RNF10: variants seen among roughly 807,000 people sequenced by gnomAD.
The protein encoded by RNF10 is ring finger protein 10, also known as E3 ubiquitin-protein ligase RNF10.
Under a neutral mutation model 91.4 loss-of-function variants are expected in RNF10, and 38 were observed. The observed-to-expected ratio is 0.42, with a 90% confidence interval of 0.32 to 0.54. The LOEUF is 0.54. Ranked by LOEUF, RNF10 falls within the 20% of genes least tolerant of loss-of-function variation. The pLI, the probability that RNF10 is intolerant of heterozygous loss-of-function variation, is 0.16. For synonymous variants in RNF10, 364 were observed against 366.3 expected, an observed-to-expected ratio of 0.99 and a Z score of 0.07; for missense variants, 945 against 1,012.0, an observed-to-expected ratio of 0.93 and a Z score of 0.90.
intron 1 of RNF10, among the ~76,000 whole-genome samples, chr12:120,542,430 C>A (rs781174798): frequency 6.6e-6 from 1 of 152,016 alleles, no homozygotes; most frequent in African/African-American, 2.4e-5. Flanking sequence ...TTGAGACAAC[C>A]GGCATGAGCC....
intron 4 of RNF10, among the ~76,000 whole-genome samples, chr12:120,555,236 C>T (rs1565955774): frequency 6.6e-6 from 1 of 152,202 alleles, no homozygotes; most frequent in Admixed American, 6.5e-5. Context: ...GGCTGGAGTA[C>T]AGTGGTGTGA....
chr12:120,549,674 A>G (rs1460826992), intron 2 of RNF10, among the ~76,000 whole-genome samples: 1 of 152,180 alleles, frequency 6.6e-6, no homozygotes, highest in African/African-American at 2.4e-5. Context: ...AATTCCAGTT[A>G]CTTGGGAGGC....
intron 16 of RNF10, among the ~76,000 whole-genome samples, chr12:120,576,264 G>A (rs16950287): frequency 0.049 from 7,460 of 152,254 alleles, 222 homozygotes; most frequent in African/African-American, 0.076. Flanking sequence ...AGTCAGTCTC[G>A]AAGCCTGTTG....
chr12:120,556,023 A>G (rs978764021), intron 4 of RNF10, among the ~76,000 whole-genome samples: 74 of 151,740 alleles, frequency 4.9e-4, no homozygotes, highest in African/African-American at 1.7e-3. Flanking sequence ...TCCCAGCTTC[A>G]AGTGATCAAC....
intron 12 of RNF10, among the ~76,000 whole-genome samples, chr12:120,565,886 A>G (rs986594080): frequency 1.3e-5 from 2 of 152,214 alleles, no homozygotes; most frequent in Non-Finnish European, 2.9e-5. Context: ...CCAGCTATAC[A>G]CAGCAAGTCT....
intron 1 of RNF10, among the ~76,000 whole-genome samples, chr12:120,541,362 G>A (rs1187714287): frequency 6.6e-6 from 1 of 151,984 alleles, no homozygotes; most frequent in Non-Finnish European, 1.5e-5. Context: ...TTGAGGTGAT[G>A]TGAAATGGAG....
At chr12:120,575,263 C>G (rs1877235026) in intron 14 of RNF10, 2 of 250,092 alleles carry the variant, frequency 8.0e-6, no homozygotes, top group Non-Finnish European at 1.6e-5. Context: ...GTACTACTCA[C>G]TGCTTCCTCC....
chr12:120,542,837 A>C (rs1871774653), intron 1 of RNF10, among the ~76,000 whole-genome samples: 2 of 152,214 alleles, frequency 1.3e-5, no homozygotes, highest in Admixed American at 1.3e-4. Context: ...ACAGGGAGCC[A>C]CCATGCCTGG....
At chr12:120,552,272 C>T (rs1371026901) in intron 2 of RNF10, among the ~76,000 whole-genome samples, 3 of 151,534 alleles carry the variant, frequency 2.0e-5, no homozygotes, top group African/African-American at 4.9e-5. Context: ...TAATCCCACA[C>T]GCCTGTAATC....
At chr12:120,570,511 A>G (rs1435879601) in intron 13 of RNF10, among the ~76,000 whole-genome samples, 1 of 152,128 alleles carries the variant, frequency 6.6e-6, no homozygotes, top group African/African-American at 2.4e-5. Flanking sequence ...CTTTTAATGT[A>G]TTTAAGCAAG....
chr12:120,559,634 C>T (rs1371259747), intron 6 of RNF10, among the ~76,000 whole-genome samples: 2 of 152,046 alleles, frequency 1.3e-5, no homozygotes, highest in African/African-American at 4.8e-5. Context: ...CCGCCTACCT[C>T]AGCCTCCCAA....
At chr12:120,536,011 A>G (rs1031504764) in intron 1 of RNF10, among the ~76,000 whole-genome samples, 4 of 152,208 alleles carry the variant, frequency 2.6e-5, no homozygotes, top group African/African-American at 7.2e-5. Context: ...TTTCAGTCAC[A>G]TTAGCAGTAA....
intron 13 of RNF10, among the ~76,000 whole-genome samples, chr12:120,567,528 C>G (rs943221258): frequency 7.9e-5 from 12 of 151,804 alleles, no homozygotes; most frequent in African/African-American, 2.9e-4. Context: ...CAGTGAAACC[C>G]TATCTCTACT....
chr12:120,569,202 C>G (rs1876224021), intron 13 of RNF10, among the ~76,000 whole-genome samples: 1 of 152,114 alleles, frequency 6.6e-6, no homozygotes, highest in African/African-American at 2.4e-5. Flanking sequence ...CTCCTGACCT[C>G]AGGTGATCCG....
Position 120,539,499 on chromosome 12 carries a change from A to G in RNF10, c.157+4531A>G, listed in dbSNP as rs775642665. On this transcript the variant is annotated intron_variant, in intron 1 of 16. Transcript: ENST00000325954. ...CAACTTGCTTGTGATTACAGCATGA[A>G]TCAGCAGCAGAAACTTGCTGACTGG... The G allele has an allele frequency of 3.6e-6, 4 of 1,107,020 alleles. No homozygotes were observed. In the South Asian group the frequency reaches 5.2e-5, roughly 14 times the overall value. The allele number at this position is 1,107,020 out of a possible 1,614,324, so 68.6% of individuals were successfully genotyped here.
At chr12:120,575,755 G>A in intron 15 of RNF10, 37 bp from the exon 16 acceptor site, 1 of 1,613,872 alleles carries the variant, frequency 6.2e-7, no homozygotes. Context: ...TCTAGAAAAA[G>A]AGTTGTTTCT....
intron 1 of RNF10, among the ~76,000 whole-genome samples, chr12:120,542,431 G>A (rs1164913659): frequency 6.6e-6 from 1 of 152,126 alleles, no homozygotes; most frequent in Non-Finnish European, 1.5e-5. Context: ...TGAGACAACC[G>A]GCATGAGCCA....
chr12:120,565,600 C>G lies in RNF10; in HGVS notation c.1885+71C>G, dbSNP rs529242467. ...TTGTATAGAACTCTGTGTCTGGGAC[C>G]TGGGAGCCAGACCTTAGCCACTTGT... On this transcript the variant is annotated intron_variant, in intron 12 of 16. Transcript: ENST00000325954. The G allele has an allele frequency of 4.1e-5, 55 of 1,350,852 alleles. No homozygotes were observed. The East Asian group carries it at 8.7e-4, about 21-fold the overall frequency. 83.7% of individuals were successfully genotyped at this position (1,350,852 alleles called of 1,614,324 possible).
intron 2 of RNF10, among the ~76,000 whole-genome samples, chr12:120,550,568 T>C (rs185575109): frequency 6.6e-5 from 10 of 151,232 alleles, no homozygotes; most frequent in Admixed American, 5.9e-4. Context: ...GCAAACAGAA[T>C]GTGGAGAATG....
Sources: allele counts gnomAD v4.1 joint callset (sites outside exome capture counted in the v4.1 genomes callset), GRCh38; gene constraint gnomAD v4.1.1; transcripts MANE v1.5; gene names NCBI Gene and HGNC (gene_info 2026-07-23, HGNC 2026-07-21).